COL27A1: variants seen among roughly 807,000 people sequenced by gnomAD.
The protein encoded by COL27A1 is collagen alpha-1(XXVII) chain.
In COL27A1, 106 loss-of-function variants were observed where a neutral mutation model predicts 251.3. The observed-to-expected ratio is 0.42, with a 90% CI of 0.36 to 0.50. The LOEUF is 0.50. COL27A1 is among the 20% of genes least tolerant of loss of function. The pLI, the probability that COL27A1 is intolerant of heterozygous loss-of-function variation, is 0.00. For missense variants in COL27A1, 2,325 were observed against 2,522.8 expected (o/e 0.92, Z 1.68); for synonymous variants, 1,000 against 986.3 (o/e 1.01, Z -0.26).
At chr9:114,219,728 A>G in intron 12 of COL27A1, 63 bp from the exon 13 acceptor site, 1 of 1,226,084 alleles carries the variant, frequency 8.2e-7, no homozygotes, top group African/African-American at 1.5e-5. Flanking sequence ...GGTCTGGATC[A>G]AAGCCCACCC....
chr9:114,205,748 T>C lies in COL27A1; in HGVS notation c.2170-11T>C. 1 of 1,613,760 alleles carries C rather than the reference T, an allele frequency of 6.2e-7. No homozygotes were observed. The highest frequency in any genetic ancestry group is 1.1e-5 in the South Asian group (1 of 91,076). On this transcript the variant is annotated splice_polypyrimidine_tract_variant and intron_variant, in intron 8 of 60. Coordinates refer to ENST00000356083, the MANE Select transcript of COL27A1 (RefSeq NM_032888.4). ...TTTCTTTTCCTTATGTTTCTCTCTG[T>C]TCCTTTGCAGGGGCAGCCAGGACCT...
At chr9:114,205,234 T>A in intron 8 of COL27A1, 88 bp downstream of exon 8, 1 of 1,266,760 alleles carries the variant, frequency 7.9e-7, no homozygotes, top group African/African-American at 1.5e-5. Context: ...GATCCTGCTC[T>A]GTGAGCCAGC....
chr9:114,205,742 T>A lies in COL27A1; in HGVS notation c.2170-17T>A. On this transcript the variant is annotated splice_polypyrimidine_tract_variant and intron_variant, in intron 8 of 60. Coordinates refer to ENST00000356083, the MANE Select transcript of COL27A1 (RefSeq NM_032888.4). The stretch of plus-strand genomic sequence containing the variant: ...AGGGTCTTTCTTTTCCTTATGTTTC[T>A]CTCTGTTCCTTTGCAGGGGCAGCCA... 6.2e-7 allele frequency: 1 copy of A among 1,613,390 alleles called. No homozygotes were observed. The highest frequency in any genetic ancestry group is 8.5e-7 in the Non-Finnish European group (1 of 1,179,324).
chr9:114,206,952 G>C (rs1463356033), intron 10 of COL27A1, among the ~76,000 whole-genome samples: 1 of 152,224 alleles, frequency 6.6e-6, no homozygotes, highest in Non-Finnish European at 1.5e-5. Context: ...TGGGTGGACC[G>C]AATGGGGTAA....
intron 20 of COL27A1, 27 bp downstream of exon 20, chr9:114,240,300 G>A: frequency 1.3e-6 from 2 of 1,586,584 alleles, no homozygotes; most frequent in African/African-American, 1.3e-5. Context: ...GGCAGCTCCA[G>A]TTGGAGGAGC....
chr9:114,285,721 C>G (rs1021622608), intron 41 of COL27A1, among the ~76,000 whole-genome samples: 2 of 152,220 alleles, frequency 1.3e-5, no homozygotes, highest in African/African-American at 4.8e-5. Flanking sequence ...ACAGAAGGTG[C>G]CACTCAGTAC....
chr9:114,256,362 G>A (rs542212854), intron 27 of COL27A1, among the ~76,000 whole-genome samples: 117 of 152,280 alleles, frequency 7.7e-4, no homozygotes, highest in Non-Finnish European at 1.2e-3. Context: ...GCATGGCGGC[G>A]GGCACCTGTA....
intron 28 of COL27A1, 111 bp downstream of exon 28, chr9:114,258,705 C>A: frequency 8.9e-7 from 1 of 1,119,354 alleles, no homozygotes; most frequent in Non-Finnish European, 1.3e-6. Flanking sequence ...GCTCTGGGAT[C>A]TGTGACTTTC....
At chr9:114,232,532 T>C (rs1004798717) in intron 16 of COL27A1, among the ~76,000 whole-genome samples, 3 of 152,192 alleles carry the variant, frequency 2.0e-5, no homozygotes, top group Non-Finnish European at 2.9e-5. Context: ...TCTTCAGACC[T>C]TGGCAAACCA....
chr9:114,217,497 A>C (rs1830785189), intron 12 of COL27A1, among the ~76,000 whole-genome samples: 1 of 152,172 alleles, frequency 6.6e-6, no homozygotes, highest in Non-Finnish European at 1.5e-5. Flanking sequence ...CTGTATGTGA[A>C]TATATTGGGC....
At chr9:114,302,341 A>T (rs1240625269) in intron 56 of COL27A1, among the ~76,000 whole-genome samples, 2 of 152,144 alleles carry the variant, frequency 1.3e-5, no homozygotes, top group African/African-American at 4.8e-5. Flanking sequence ...GAATCCGGGA[A>T]GATGCTCCAG....
chr9:114,278,710 C>T (rs1835718342), intron 37 of COL27A1, among the ~76,000 whole-genome samples: 1 of 151,466 alleles, frequency 6.6e-6, no homozygotes. Flanking sequence ...AATATTTTGC[C>T]ATCACTCCCA....
At chr9:114,161,192 G>A (rs940292152) in intron 1 of COL27A1, among the ~76,000 whole-genome samples, 1 of 152,132 alleles carries the variant, frequency 6.6e-6, no homozygotes. Context: ...CAGCAGCTCC[G>A]AGCAGTATGT....
rs766315500 is a variant in COL27A1, at chr9:114,237,730, A to T, written c.2727+15A>T. On this transcript the variant is annotated intron_variant, in intron 19 of 60. Transcript: ENST00000356083. ...CTGGACCCGAGGTATGTGATGCCCC[A>T]TTTCTCCGTGTCTGGCTGCTGCTGG... 6.2e-7 allele frequency: 1 copy of T among 1,609,682 alleles called. No individual in the cohort carries two copies. Among genetic ancestry groups the T allele is most frequent in the East Asian group, 2.2e-5 (1 of 44,836 alleles).
Position 114,288,524 on chromosome 9 carries a change from C to A in COL27A1, c.4044+13C>A, listed in dbSNP as rs1176356333. 1 of 1,600,974 alleles carries A rather than the reference C, an allele frequency of 6.2e-7. No homozygotes were observed. Reference sequence around the variant, plus strand: ...ACCTGGAGATCGGGTAAGCCCCCTCCCTCCCCTGGACCATGTGGCGTCCTA... The same window carrying A: ...ACCTGGAGATCGGGTAAGCCCCCTCACTCCCCTGGACCATGTGGCGTCCTA... On this transcript the variant is annotated intron_variant, in intron 42 of 60. Coordinates refer to ENST00000356083, the MANE Select transcript of COL27A1 (RefSeq NM_032888.4).
chr9:114,159,180 C>T (rs180837248), intron 1 of COL27A1, among the ~76,000 whole-genome samples: 126 of 152,266 alleles, frequency 8.3e-4, no homozygotes, highest in African/African-American at 2.8e-3. Flanking sequence ...AAGTTGGAAG[C>T]CATGGTGTTA....
At position 114,309,417 on chromosome 9, in the gene COL27A1, A is replaced by G. The variant is rs959223445; in HGVS notation, c.5375A>G (p.Asn1792Ser). 2 of 1,613,970 alleles carry G rather than the reference A, an allele frequency of 1.2e-6. No homozygotes were observed. Among genetic ancestry groups the G allele is most frequent in the African/African-American group, 1.3e-5 (1 of 74,920 alleles). The change falls in exon 60 of 61, where the codon AAT (asparagine) becomes AGT (serine). Residue 1792 changes from asparagine to serine, a missense_variant. This residue lies in a region of COL27A1 where 327 missense variants were observed against 442.8 expected (regional missense o/e 0.74). Coordinates refer to ENST00000356083, the MANE Select transcript of COL27A1 (RefSeq NM_032888.4). Reference sequence around the variant, plus strand: ...CAGGCCGTACGCTTCCGGGCCTGGAATGGACAGATTTTTGAAGCTGGGGGT... The same window carrying G: ...CAGGCCGTACGCTTCCGGGCCTGGAGTGGACAGATTTTTGAAGCTGGGGGT... ...AKQAVRFRAW[N>S]GQIFEAGGQF...
At chr9:114,164,065 A>G (rs1405834309) in intron 2 of COL27A1, among the ~76,000 whole-genome samples, 3 of 152,140 alleles carry the variant, frequency 2.0e-5, no homozygotes, top group Non-Finnish European at 4.4e-5. Flanking sequence ...GAATAGCATC[A>G]TGGCTAAGCA....
intron 14 of COL27A1, among the ~76,000 whole-genome samples, chr9:114,222,557 C>T (rs1831194566): frequency 6.6e-6 from 1 of 152,164 alleles, no homozygotes; most frequent in African/African-American, 2.4e-5. Flanking sequence ...GAGATGAGCA[C>T]TTGGAACACA....
Sources: allele counts gnomAD v4.1 joint callset (sites outside exome capture counted in the v4.1 genomes callset), GRCh38; gene constraint gnomAD v4.1.1; regional missense constraint gnomAD v4.1.1; transcripts MANE v1.5; gene names NCBI Gene and HGNC (gene_info 2026-07-23, HGNC 2026-07-21).